The following CREB5 variants were observed in gnomAD, a reference collection of about 807,000 sequenced individuals.
CREB5 encodes the protein cAMP responsive element binding protein 5.
In CREB5, 19 loss-of-function variants were observed where a neutral mutation model predicts 57.1. The ratio of observed to expected loss-of-function variants is 0.33; its 90% CI spans 0.23 to 0.49. CREB5 has a LOEUF of 0.49. Among genes scored for constraint, CREB5 ranks in the 20% least tolerant of loss-of-function variants. The pLI is 0.99. For missense variants in CREB5, 579 were observed against 671.6 expected (o/e 0.86, Z 1.52); for synonymous variants, 238 against 238.3 (o/e 1.00, Z 0.01).
chr7:28,421,745 C>A lies in CREB5; in HGVS notation c.3+8828C>A, dbSNP rs891660311. Among the ~76,000 whole-genome samples, 7 of 72,396 alleles carry A rather than the reference C, an allele frequency of 9.7e-5. No individual in the cohort carries two copies. The East Asian group carries it at 2.7e-3, about 28-fold the overall frequency. The allele number at this position is 72,396 out of a possible 152,430, so 47.5% of individuals were successfully genotyped here. Reference sequence around the variant, plus strand: ...AAATTTACTTGATAGCCTTTAGCACCATATATATATACATACACACACACT... The same window carrying A: ...AAATTTACTTGATAGCCTTTAGCACAATATATATATACATACACACACACT... On this transcript the variant is annotated intron_variant, in intron 1 of 10. Transcript: ENST00000357727.
intron 4 of CREB5, among the ~76,000 whole-genome samples, chr7:28,564,276 C>T (rs1795396841): frequency 6.6e-6 from 1 of 152,192 alleles, no homozygotes; most frequent in Non-Finnish European, 1.5e-5. Context: ...TACACAGTGG[C>T]AGTTGGATGG....
At chr7:28,546,879 C>G (rs1408538568) in intron 4 of CREB5, among the ~76,000 whole-genome samples, 1 of 152,104 alleles carries the variant, frequency 6.6e-6, no homozygotes, top group Non-Finnish European at 1.5e-5. Flanking sequence ...TGGGGCCACT[C>G]TTGGTGTGGA....
chr7:28,687,941 C>T (rs116256755), intron 5 of CREB5, among the ~76,000 whole-genome samples: 1,552 of 152,244 alleles, frequency 0.01, 25 homozygotes, highest in African/African-American at 0.035. Context: ...AGCTCCTCCC[C>T]GCATGGGGAA....
At chr7:28,380,793 C>A (rs1309439792) in intron 1 of CREB5, among the ~76,000 whole-genome samples, 2 of 152,108 alleles carry the variant, frequency 1.3e-5, no homozygotes, top group African/African-American at 2.4e-5. Flanking sequence ...ATTTTTTTGA[C>A]CTAATGTGTA....
At chr7:28,560,999 C>CTTGCGT (rs1795236437) in intron 4 of CREB5, among the ~76,000 whole-genome samples, 3 of 34,184 alleles carry the variant, frequency 8.8e-5, no homozygotes, top group Non-Finnish European at 1.8e-4. Context: ...TGTGTGCCTG[C>CTTGCGT]GTGTGCGTGT....
chr7:28,497,827 A>G (rs1409121415), intron 3 of CREB5, among the ~76,000 whole-genome samples: 1 of 152,178 alleles, frequency 6.6e-6, no homozygotes, highest in Non-Finnish European at 1.5e-5. Context: ...CTTATTTTCC[A>G]TAAGGCTAAT....
At chr7:28,553,914 G>A (rs1463257922) in intron 4 of CREB5, among the ~76,000 whole-genome samples, 1 of 152,096 alleles carries the variant, frequency 6.6e-6, no homozygotes, top group Non-Finnish European at 1.5e-5. Flanking sequence ...GGACCCTAAG[G>A]TCAGTGTGTC....
At chr7:28,754,390 G>A (rs924088607) in intron 7 of CREB5, among the ~76,000 whole-genome samples, 1 of 152,206 alleles carries the variant, frequency 6.6e-6, no homozygotes, top group Non-Finnish European at 1.5e-5. Flanking sequence ...CATGTGGCCA[G>A]AACCTCAGCA....
At chr7:28,691,986 C>G (rs531835724) in intron 5 of CREB5, among the ~76,000 whole-genome samples, 1 of 136,998 alleles carries the variant, frequency 7.3e-6, no homozygotes, top group African/African-American at 2.8e-5. Context: ...CTAGGCAACA[C>G]GGTGAAACCC....
chr7:28,667,287 C>T (rs1799863618), intron 5 of CREB5, among the ~76,000 whole-genome samples: 2 of 150,426 alleles, frequency 1.3e-5, no homozygotes. Flanking sequence ...AGCACTTACC[C>T]TTCCTATCTA....
At chr7:28,560,825 C>T (rs216738) in intron 4 of CREB5, among the ~76,000 whole-genome samples, 14,628 of 37,048 alleles carry the variant, frequency 0.39, 3,553 homozygotes, top group East Asian at 0.69. Context: ...TGTGTGTGCG[C>T]GCGCGCGCGT....
intron 1 of CREB5, among the ~76,000 whole-genome samples, chr7:28,372,052 G>A (rs1485310558): frequency 2.0e-5 from 3 of 152,064 alleles, no homozygotes; most frequent in African/African-American, 2.4e-5. Flanking sequence ...GAACAAAGTC[G>A]AAAATAAAGA....
intron 1 of CREB5, among the ~76,000 whole-genome samples, chr7:28,423,441 G>T (rs1788359414): frequency 6.6e-6 from 1 of 152,156 alleles, no homozygotes; most frequent in South Asian, 2.1e-4. Flanking sequence ...AGAAAACCCA[G>T]TTAGGGGCTA....
intron 5 of CREB5, among the ~76,000 whole-genome samples, chr7:28,639,876 G>A (rs191679924): frequency 9.5e-4 from 145 of 152,248 alleles, no homozygotes; most frequent in Admixed American, 2.2e-3. Flanking sequence ...TTCACAACTG[G>A]CTATGTTTGT....
At chr7:28,308,206 T>G (rs1345757736) in intron 1 of CREB5, among the ~76,000 whole-genome samples, 1 of 152,204 alleles carries the variant, frequency 6.6e-6, no homozygotes, top group Non-Finnish European at 1.5e-5. Flanking sequence ...GCAACTTAAA[T>G]AAAATTGCCT....
chr7:28,787,133 C>T (rs1284921757), intron 7 of CREB5, among the ~76,000 whole-genome samples: 3 of 152,100 alleles, frequency 2.0e-5, no homozygotes, highest in Admixed American at 1.3e-4. Flanking sequence ...CAGCACCTGT[C>T]CCCAGCTGAG....
At chr7:28,349,522 G>T (rs10269705) in intron 1 of CREB5, among the ~76,000 whole-genome samples, 2 of 151,830 alleles carry the variant, frequency 1.3e-5, no homozygotes, top group African/African-American at 4.8e-5. Context: ...AGGGCCAATA[G>T]GGAGGTGTGA....
chr7:28,565,930 A>G (rs1795453636), intron 4 of CREB5, among the ~76,000 whole-genome samples: 1 of 152,182 alleles, frequency 6.6e-6, no homozygotes, highest in African/African-American at 2.4e-5. Context: ...GAAAATAAAA[A>G]ACAAAAGAAA....
At chr7:28,484,496 C>G (rs1000136995) in intron 1 of CREB5, among the ~76,000 whole-genome samples, 3 of 152,172 alleles carry the variant, frequency 2.0e-5, no homozygotes, top group South Asian at 4.1e-4. Flanking sequence ...TGCAGGGCAT[C>G]AGAATAAAGC....
Sources: allele counts gnomAD v4.1 joint callset (sites outside exome capture counted in the v4.1 genomes callset), GRCh38; gene constraint gnomAD v4.1.1; transcripts MANE v1.5; gene names NCBI Gene and HGNC (gene_info 2026-07-23, HGNC 2026-07-21).